DMD: variants seen among roughly 807,000 people sequenced by gnomAD.
DMD encodes the protein dystrophin.
In DMD, 63 loss-of-function variants were observed where a neutral mutation model predicts 330.1. The ratio of observed to expected loss-of-function variants is 0.19; its 90% CI spans 0.16 to 0.24. The LOEUF (loss-of-function observed/expected upper bound fraction) is 0.24, where lower values mean the gene tolerates loss of function less well. DMD is among the 10% of genes least tolerant of loss of function. DMD has a pLI of 1.00. For missense variants in DMD, 3,344 were observed against 2,684.1 expected (o/e 1.25, Z -5.43); for synonymous variants, 1,223 against 959.8 (o/e 1.27, Z -5.07).
At chrX:31,934,942 G>A (rs2094905047) in intron 45 of DMD, among the ~76,000 whole-genome samples, 1 of 111,972 alleles carries the variant, frequency 8.9e-6, no homozygotes, top group South Asian at 3.7e-4. Flanking sequence ...TGAAAAATAG[G>A]AAAAGTCAAT....
At chrX:31,287,623 G>A (rs1486941091) in intron 62 of DMD, among the ~76,000 whole-genome samples, 4 of 111,544 alleles carry the variant, frequency 3.6e-5, no homozygotes, top group Non-Finnish European at 7.5e-5. Context: ...CTGGATGATG[G>A]GAGAAGAAAG....
intron 1 of DMD, among the ~76,000 whole-genome samples, chrX:33,032,179 T>G (rs917004898): frequency 1.1e-4 from 12 of 111,900 alleles, no homozygotes; most frequent in African/African-American, 3.9e-4. Context: ...AGTGTGTCAA[T>G]TCTGAGCTAG....
chrX:32,545,454 G>C, intron 16 of DMD, 120 bp from the exon 17 acceptor site: 1 of 698,202 alleles, frequency 1.4e-6, no homozygotes, highest in Admixed American at 2.6e-5. Flanking sequence ...TTGACCTTCA[G>C]ATCAAAATAG....
At position 32,448,524 on chromosome X, in the gene DMD, G is replaced by T. The variant is rs1557362186; in HGVS notation, c.3718C>A (p.Leu1240Ile). The T allele has an allele frequency of 1.2e-5, 14 of 1,208,800 alleles. No homozygotes were observed. The highest frequency in any genetic ancestry group is 1.5e-5 in the Non-Finnish European group (13 of 893,336). ...TGGTAGTTGGTGGTTAGAGTTTCAA[G>T]TTCCTTTTTTAAGGCCTCTTGTGCT... ...PVAQEALKKE[L>I]ETLTTNYQWL... Residue 1240 changes from leucine to isoleucine, a missense_variant, in exon 27 of 79, where the codon CTT becomes ATT. Coordinates refer to ENST00000357033, the MANE Select transcript of DMD (RefSeq NM_004006.3).
intron 64 of DMD, among the ~76,000 whole-genome samples, chrX:31,217,479 C>G (rs1297937077): frequency 3.6e-5 from 4 of 111,883 alleles, no homozygotes; most frequent in African/African-American, 1.3e-4. Flanking sequence ...GTGCATATTT[C>G]CAAGGCATCT....
chrX:31,522,718 TTA>T (rs1239104747), intron 55 of DMD, among the ~76,000 whole-genome samples: 1 of 110,393 alleles, frequency 9.1e-6, no homozygotes, highest in Non-Finnish European at 1.9e-5. Context: ...ATGCTACCTA[TTA>T]TTAAAGTGTT....
At chrX:32,255,535 T>A (rs757692219) in intron 43 of DMD, among the ~76,000 whole-genome samples, 7 of 111,957 alleles carry the variant, frequency 6.3e-5, no homozygotes, top group African/African-American at 1.6e-4. Flanking sequence ...ACAGAATAAG[T>A]TTGCTAACTT....
At chrX:32,557,361 T>A in intron 16 of DMD, among the ~76,000 whole-genome samples, 1 of 111,875 alleles carries the variant, frequency 8.9e-6, no homozygotes, top group East Asian at 2.8e-4. Flanking sequence ...CAATGGCACA[T>A]CATAACTATT....
chrX:32,642,157 C>G (rs58234753), intron 11 of DMD, among the ~76,000 whole-genome samples: 3,105 of 111,746 alleles, frequency 0.028, 115 homozygotes, highest in African/African-American at 0.093. Flanking sequence ...CATACATAGT[C>G]AAAGTGGCAA....
intron 1 of DMD, among the ~76,000 whole-genome samples, chrX:33,230,776 A>G (rs2148881479): frequency 9.0e-6 from 1 of 111,262 alleles, no homozygotes; most frequent in African/African-American, 3.3e-5. Flanking sequence ...GTGGACGTAT[A>G]CATCAAAATT....
chrX:31,815,585 G>GCA (rs765791034), intron 50 of DMD, among the ~76,000 whole-genome samples: 150 of 112,071 alleles, frequency 1.3e-3, no homozygotes, highest in African/African-American at 4.8e-3. Context: ...TGAGAATTAA[G>GCA]TTGGATTAAG....
At chrX:32,593,953 A>T in intron 13 of DMD, among the ~76,000 whole-genome samples, 1 of 112,454 alleles carries the variant, frequency 8.9e-6, no homozygotes, top group Non-Finnish European at 1.9e-5. Flanking sequence ...TGAGAGAAAG[A>T]ATCTAATTAT....
chrX:32,712,909 A>G lies in DMD; in HGVS notation c.650-13616T>C, dbSNP rs552961839. Among the ~76,000 whole-genome samples the G allele has an allele frequency of 9.9e-5, 11 of 111,577 alleles. No individual in the cohort carries two copies. The South Asian group carries it at 4.1e-3, about 42-fold the overall frequency. On this transcript the variant is annotated intron_variant, in intron 7 of 78. Transcript: ENST00000357033. ...AGTATTTAAATGTTTATTCACATTC[A>G]ATCATTATCTGAAAGTTATCTTAGT... is the stretch of plus-strand genomic sequence containing the variant.
chrX:31,704,406 T>C (rs1377624936), intron 52 of DMD, among the ~76,000 whole-genome samples: 2 of 111,273 alleles, frequency 1.8e-5, no homozygotes, highest in East Asian at 5.6e-4. Context: ...AGGAACAGAA[T>C]AGTATAATCA....
At chrX:32,671,847 C>G (rs934840924) in intron 9 of DMD, among the ~76,000 whole-genome samples, 15 of 111,720 alleles carry the variant, frequency 1.3e-4, no homozygotes, top group African/African-American at 4.9e-4. Flanking sequence ...AAAGTAGATG[C>G]ATATACTTTT....
Position 31,209,547 on chromosome X carries a change from G to A in DMD, c.9514C>T (p.Pro3172Ser). Residue 3172 changes from proline to serine, a missense_variant, in exon 65 of 79, where the codon CCT (proline) becomes TCT (serine). By Grantham distance (74) the Pro-to-Ser change is moderately conservative (BLOSUM62 -1). Transcript: ENST00000357033. Reference sequence around the variant, plus strand: ...TTCAGACACATATCCACGCAGAGAGGGACGTTGACCAAATTGTTGTGCTCT... The same window carrying A: ...TTCAGACACATATCCACGCAGAGAGAGACGTTGACCAAATTGTTGTGCTCT... ...EQEHNNLVNV[P>S]LCVDMCLNWL... The A allele has an allele frequency of 8.3e-7, 1 of 1,211,112 alleles. No homozygotes were observed. The highest frequency in any genetic ancestry group is 2.2e-5 in the Admixed American group (1 of 45,968).
intron 50 of DMD, among the ~76,000 whole-genome samples, chrX:31,798,661 G>A (rs997516896): frequency 9.0e-6 from 1 of 111,599 alleles, no homozygotes; most frequent in Admixed American, 9.5e-5. Context: ...TCTAGGCACT[G>A]GGAGTACAGT....
At chrX:32,353,636 T>C (rs1223321208) in intron 37 of DMD, among the ~76,000 whole-genome samples, 2 of 111,391 alleles carry the variant, frequency 1.8e-5, no homozygotes, top group Non-Finnish European at 3.8e-5. Flanking sequence ...ACAAAAGTTA[T>C]AATATTGCAT....
intron 44 of DMD, among the ~76,000 whole-genome samples, chrX:32,146,153 G>A (rs780871781): frequency 1.8e-5 from 2 of 112,207 alleles, no homozygotes; most frequent in South Asian, 7.3e-4. Flanking sequence ...GCAGAGACCT[G>A]TGTTTACTGC....
Sources: gnomAD v4.1 joint callset for allele counts (sites outside exome capture counted in the v4.1 genomes callset) on GRCh38, gnomAD v4.1.1 for gene constraint, MANE v1.5 for transcripts, NCBI Gene and HGNC (gene_info 2026-07-23, HGNC 2026-07-21) for gene names.